The following VPS26A variants were observed in gnomAD, a reference collection of about 807,000 sequenced individuals.
VPS26A encodes vacuolar protein sorting-associated protein 26A.
A neutral mutation model predicts 42.4 loss-of-function variants in VPS26A; 22 were observed. The observed-to-expected ratio is 0.52, with a 90% CI of 0.37 to 0.74. The LOEUF (loss-of-function observed/expected upper bound fraction) is 0.74, where lower values mean the gene tolerates loss of function less well. Among genes scored for constraint, VPS26A ranks in the 30% least tolerant of loss-of-function variants. The pLI is 0.00. For missense variants in VPS26A, 276 were observed against 379.2 expected (o/e 0.73, Z 2.26); for synonymous variants, 110 against 123.5 (o/e 0.89, Z 0.73).
Position 69,129,675 on chromosome 10 carries a change from C to T in VPS26A, c.4-3223C>T, listed in dbSNP as rs541714131. 6.6e-5 allele frequency among the ~76,000 whole-genome samples: 10 copies of T among 152,016 alleles called. 1 individual carries two copies. In the South Asian group the frequency reaches 2.1e-3, roughly 32 times the overall value. The stretch of plus-strand genomic sequence containing the variant: ...TGATTCTCCTGCCTCAGGTGCATAC[C>T]ACTACGCCCAGTTAATTTTTTGTAT... On this transcript the variant is annotated intron_variant, in intron 1 of 8. Coordinates refer to ENST00000263559, the MANE Select transcript of VPS26A (RefSeq NM_004896.5).
chr10:69,168,704 T>C lies in VPS26A; in HGVS notation c.870+73T>C. The C allele has an allele frequency of 3.9e-6, 6 of 1,542,866 alleles. No homozygotes were observed. The South Asian group carries it at 7.6e-5, about 20-fold the overall frequency. On this transcript the variant is annotated intron_variant, in intron 8 of 8. Coordinates refer to ENST00000263559, the MANE Select transcript of VPS26A (RefSeq NM_004896.5). ...ATACCTCGAAAGCACTCTTCTAAGCTTCACTGTACTGAGCGAGTGGGAGTT... is the reference window on the plus strand; with the variant it reads ...ATACCTCGAAAGCACTCTTCTAAGCCTCACTGTACTGAGCGAGTGGGAGTT...
rs1840593034 is a variant in VPS26A, at chr10:69,124,236, G to A, written c.-42G>A. The stretch of plus-strand genomic sequence containing the variant: ...GCCGGGGCTGGGAGTTCTCCTGAGG[G>A]AAGAGGAGTGGAGTAGGGGGGACGC... On this transcript the variant is annotated 5_prime_UTR_variant, in exon 1 of 9. Coordinates refer to ENST00000263559, the MANE Select transcript of VPS26A (RefSeq NM_004896.5). The A allele has an allele frequency of 3.9e-6, 5 of 1,283,468 alleles. No homozygotes were observed. Among genetic ancestry groups the A allele is most frequent in the Non-Finnish European group, 5.0e-6 (5 of 1,010,034 alleles). The allele number at this position is 1,283,468 out of a possible 1,614,324, so 79.5% of individuals were successfully genotyped here. A position where few individuals can be genotyped will look rare whatever the true frequency, so the allele number is the denominator to read the frequency against.
At chr10:69,131,104 G>A (rs750846105) in intron 1 of VPS26A, among the ~76,000 whole-genome samples, 1 of 152,100 alleles carries the variant, frequency 6.6e-6, no homozygotes, top group Non-Finnish European at 1.5e-5. Context: ...TCCTGCCTCA[G>A]CCTCCCGAGT....
intron 1 of VPS26A, among the ~76,000 whole-genome samples, chr10:69,127,552 CAAAA>C (rs1023422339): frequency 8.9e-6 from 1 of 112,330 alleles, no homozygotes; most frequent in Non-Finnish European, 1.9e-5. Context: ...GACTCCATCT[CAAAA>C]AAAAAAAAAA....
chr10:69,158,600 G>A (rs940611118), intron 5 of VPS26A, among the ~76,000 whole-genome samples: 9 of 152,012 alleles, frequency 5.9e-5, no homozygotes, highest in Non-Finnish European at 1.2e-4. Flanking sequence ...GGGGGAGGGG[G>A]AAGGTATATA....
intron 1 of VPS26A, among the ~76,000 whole-genome samples, chr10:69,125,514 C>T (rs1413207154): frequency 2.6e-5 from 4 of 152,112 alleles, no homozygotes; most frequent in African/African-American, 9.7e-5. Context: ...GGGGACCTTG[C>T]CTAGTCAGTG....
chr10:69,171,319 A>T lies in VPS26A; in HGVS notation c.*50A>T, dbSNP rs1841809878. On this transcript the variant is annotated 3_prime_UTR_variant, in exon 9 of 9. Transcript: ENST00000263559. ...GCAAAAAACTCCTGTAACCCTTGAG[A>T]TTAAGTTCAGCAGGTTAAAGATGGT... is the stretch of plus-strand genomic sequence containing the variant. The T allele has an allele frequency of 1.3e-6, 2 of 1,550,394 alleles. No individual in the cohort carries two copies. The highest frequency in any genetic ancestry group is 4.5e-5 in the East Asian group (2 of 44,402).
At position 69,173,157 on chromosome 10, in the gene VPS26A, C is replaced by G. The variant is rs150319372; in HGVS notation, c.*1888C>G. On this transcript the variant is annotated 3_prime_UTR_variant, in exon 9 of 9. Transcript: ENST00000263559. ...GTGATTTCAGTCAAAAGTCAGCCAGCTAATTAGAAGTCATAAACTGAAAAA... is the reference window on the plus strand; with the variant it reads ...GTGATTTCAGTCAAAAGTCAGCCAGGTAATTAGAAGTCATAAACTGAAAAA... Among the ~76,000 whole-genome samples, 845 of 152,218 alleles carry G rather than the reference C, an allele frequency of 5.6e-3. 2 individuals carry two copies. The highest frequency in any genetic ancestry group is 0.014 in the Middle Eastern group (4 of 294).
intron 8 of VPS26A, 96 bp from the exon 9 acceptor site, chr10:69,171,060 T>G: frequency 9.7e-7 from 1 of 1,034,222 alleles, no homozygotes; most frequent in South Asian, 1.5e-5. Flanking sequence ...TAGGGAAGAA[T>G]TTAATTTTAT....
chr10:69,129,545 A>G (rs1840731438), intron 1 of VPS26A, among the ~76,000 whole-genome samples: 1 of 150,972 alleles, frequency 6.6e-6, no homozygotes, highest in South Asian at 2.1e-4. Context: ...GTCAAAAAGA[A>G]AAAAAAATTT....
At chr10:69,133,860 A>AT (rs1296236842) in intron 2 of VPS26A, among the ~76,000 whole-genome samples, 1 of 151,646 alleles carries the variant, frequency 6.6e-6, no homozygotes, top group Non-Finnish European at 1.5e-5. Context: ...TAATTTTTTA[A>AT]TTTTTTTGTA....
At chr10:69,169,171 G>C (rs368025293) in intron 8 of VPS26A, among the ~76,000 whole-genome samples, 1 of 149,214 alleles carries the variant, frequency 6.7e-6, no homozygotes, top group Non-Finnish European at 1.5e-5. Flanking sequence ...ATGAGCCACC[G>C]TGCCCAGCTG....
chr10:69,124,354 G>GC, intron 1 of VPS26A, 74 bp downstream of exon 1: 1 of 1,219,844 alleles, frequency 8.2e-7, no homozygotes, highest in Non-Finnish European at 1.0e-6. Context: ...CCAACCGCGG[G>GC]CCGGGCGTCG....
At chr10:69,147,964 G>A (rs1344786971) in intron 2 of VPS26A, among the ~76,000 whole-genome samples, 8 of 152,112 alleles carry the variant, frequency 5.3e-5, no homozygotes, top group African/African-American at 1.9e-4. Flanking sequence ...AGCATGCCTC[G>A]GCCTCCCACA....
At chr10:69,157,191 C>T in intron 4 of VPS26A, 28 bp downstream of exon 4, 1 of 1,579,640 alleles carries the variant, frequency 6.3e-7, no homozygotes, top group Non-Finnish European at 8.6e-7. Context: ...AAACTGTAAA[C>T]AGAATCAAAA....
intron 6 of VPS26A, among the ~76,000 whole-genome samples, chr10:69,164,176 T>A (rs1041102981): frequency 6.6e-6 from 1 of 151,996 alleles, no homozygotes; most frequent in African/African-American, 2.4e-5. Flanking sequence ...TTCTTTTTCT[T>A]ACTTATGTGT....
chr10:69,150,605 C>T (rs530468659), intron 2 of VPS26A, among the ~76,000 whole-genome samples: 1 of 151,210 alleles, frequency 6.6e-6, no homozygotes, highest in South Asian at 2.1e-4. Flanking sequence ...CACCATGTTA[C>T]CCAGGATGGT....
At chr10:69,154,527 A>T (rs1184474860) in intron 2 of VPS26A, among the ~76,000 whole-genome samples, 1 of 151,410 alleles carries the variant, frequency 6.6e-6, no homozygotes, top group Non-Finnish European at 1.5e-5. Context: ...CAAGAGCGAA[A>T]CTCCGTCTAA....
At chr10:69,163,923 G>A (rs1174328847) in intron 6 of VPS26A, among the ~76,000 whole-genome samples, 1 of 151,002 alleles carries the variant, frequency 6.6e-6, no homozygotes, top group Admixed American at 6.6e-5. Flanking sequence ...CCACCATCAC[G>A]CCCGGCTAAT....
Sources: gnomAD v4.1 joint callset for allele counts (sites outside exome capture counted in the v4.1 genomes callset) on GRCh38, gnomAD v4.1.1 for gene constraint, MANE v1.5 for transcripts, NCBI Gene and HGNC (gene_info 2026-07-23, HGNC 2026-07-21) for gene names.